The following CNGA1 variants were observed in gnomAD, a reference collection of about 807,000 sequenced individuals.
CNGA1 encodes cyclic nucleotide gated channel subunit alpha 1.
Under a neutral mutation model 69.7 loss-of-function variants are expected in CNGA1, and 53 were observed. That is an observed-to-expected ratio of 0.76 (90% CI 0.61 to 0.96). CNGA1 has a LOEUF of 0.96. Ranked by LOEUF, CNGA1 falls within the 40% of genes least tolerant of loss-of-function variation. The pLI, the probability that CNGA1 is intolerant of heterozygous loss-of-function variation, is 0.00. For synonymous variants in CNGA1, 249 were observed against 283.5 expected (o/e 0.88, Z 1.22); for missense variants, 739 against 811.2 (o/e 0.91, Z 1.08).
chr4:47,942,753 C>T (rs114926684), intron 8 of CNGA1, among the ~76,000 whole-genome samples: 2,574 of 152,048 alleles, frequency 0.017, 41 homozygotes, highest in East Asian at 0.06. Context: ...TTGTGATCTG[C>T]GCGTGCAAGG....
chr4:47,968,079 A>G (rs1267981352), intron 3 of CNGA1, among the ~76,000 whole-genome samples: 12 of 152,224 alleles, frequency 7.9e-5, no homozygotes, highest in Non-Finnish European at 1.6e-4. Flanking sequence ...ATAAGGAACA[A>G]ATCCAAAGAT....
At chr4:47,993,329 G>T (rs189098401) in intron 2 of CNGA1, among the ~76,000 whole-genome samples, 10 of 151,982 alleles carry the variant, frequency 6.6e-5, no homozygotes, top group African/African-American at 2.4e-4. Flanking sequence ...CTTTTTTGTT[G>T]TTGGTAATTT....
chr4:48,006,782 C>G (rs898335526), intron 2 of CNGA1, among the ~76,000 whole-genome samples: 1 of 151,976 alleles, frequency 6.6e-6, no homozygotes, highest in Non-Finnish European at 1.5e-5. Context: ...CCACCATGCC[C>G]AGCTAATTTT....
At chr4:47,947,998 A>G (rs1474631564) in intron 6 of CNGA1, among the ~76,000 whole-genome samples, 1 of 152,212 alleles carries the variant, frequency 6.6e-6, no homozygotes, top group African/African-American at 2.4e-5. Flanking sequence ...AGTTAACTAA[A>G]TTGGACTCCT....
Position 47,943,372 on chromosome 4 carries a change from T to G in CNGA1, c.328A>C (p.Ser110Arg), listed in dbSNP as rs952618231. The part of the protein sequence containing the change: ...EKKKKKKEKK[S>R]KSDDKNENKN... ...GGGTAATTCTTGCCAAAGTCTTACC[T>G]CTTCTTTTCTTTTTTCTTTTTCTTT... Residue 110 changes from serine to arginine, a missense_variant and splice_region_variant, in exon 7 of 11, where the codon AGC (serine) becomes CGC (arginine). By Grantham distance (110) the Ser-to-Arg change is moderately radical. Transcript: ENST00000514170. 3 of 1,523,794 alleles carry G rather than the reference T, an allele frequency of 2.0e-6. No individual in the cohort carries two copies. In the African/African-American group the frequency reaches 4.2e-5, roughly 21 times the overall value. The allele number at this position is 1,523,794 out of a possible 1,614,324, so 94.4% of individuals were successfully genotyped here. A position where few individuals can be genotyped will look rare whatever the true frequency, so the allele number is the denominator to read the frequency against.
At position 47,936,813 on chromosome 4, in the gene CNGA1, T is replaced by G; in HGVS notation, c.1669A>C (p.Arg557=). The G allele has an allele frequency of 1.2e-6, 2 of 1,614,172 alleles. No individual in the cohort carries two copies. The highest frequency in any genetic ancestry group is 2.2e-5 in the South Asian group (2 of 91,082). The stretch of plus-strand genomic sequence containing the variant: ...CCAATACTTTTAATATTGGCCGTTC[T>G]TCGATTGCCAGCTTTGCTCCCTTTA... The part of the protein sequence containing the change: ...NIKGSKAGNR[R]TANIKSIGYS... Residue 557 remains arginine, a synonymous_variant, in exon 11 of 11, where the codon AGA becomes CGA. Transcript: ENST00000514170.
intron 2 of CNGA1, among the ~76,000 whole-genome samples, chr4:47,992,541 C>A (rs910702900): frequency 5.3e-5 from 8 of 151,882 alleles, no homozygotes; most frequent in Admixed American, 2.6e-4. Flanking sequence ...TTGCTGAATT[C>A]TTTTATCAGT....
chr4:47,996,531 ACT>A (rs1742483548), intron 2 of CNGA1, among the ~76,000 whole-genome samples: 1 of 152,002 alleles, frequency 6.6e-6, no homozygotes, highest in South Asian at 2.1e-4. Context: ...TTGACATAAA[ACT>A]CTTCACACCA....
chr4:48,010,139 T>C (rs1715087919), intron 2 of CNGA1, among the ~76,000 whole-genome samples: 1 of 152,182 alleles, frequency 6.6e-6, no homozygotes, highest in African/African-American at 2.4e-5. Context: ...TAGCAAAATT[T>C]ACATCATAAG....
In CNGA1 at chr4:48,016,490, G is replaced by A. The variant is rs551343115; in HGVS notation, c.-230C>T. ...CTCAATTCCCGGAGTTACCTTGGCG[G>A]GCTCCACGCTCCGAGAGACGCTGTT... On this transcript the variant is annotated 5_prime_UTR_variant, in exon 1 of 11. Transcript: ENST00000514170. 5 of 343,996 alleles carry A rather than the reference G, an allele frequency of 1.5e-5. No individual in the cohort carries two copies. The South Asian group carries it at 2.3e-4, about 16-fold the overall frequency. 21.3% of individuals were successfully genotyped at this position (343,996 alleles called of 1,614,324 possible). A position where few individuals can be genotyped will look rare whatever the true frequency, so the allele number is the denominator to read the frequency against.
chr4:47,937,621 C>G lies in CNGA1; in HGVS notation c.861G>C (p.Arg287Ser). 1 of 1,614,140 alleles carries G rather than the reference C, an allele frequency of 6.2e-7. No individual in the cohort carries two copies. The highest frequency in any genetic ancestry group is 8.5e-7 in the Non-Finnish European group (1 of 1,180,020). Reference sequence around the variant, plus strand: ...TCCTGAAGATGTTTGGATAGTTTGTCCTTGTTTCTGTTCTCTGGAAGAACT... The same window carrying G: ...TCCTGAAGATGTTTGGATAGTTTGTGCTTGTTTCTGTTCTCTGGAAGAACT... ...MFEFFQRTET[R>S]TNYPNIFRIS... is the part of the protein sequence containing the mutation. The change falls in exon 11 of 11, where the codon AGG becomes AGC. Residue 287 changes from arginine to serine, a missense_variant. Arg to Ser is a moderately radical substitution (Grantham distance 110). Coordinates refer to ENST00000514170, the MANE Select transcript of CNGA1 (RefSeq NM_001379270.1).
chr4:47,980,340 CT>C (rs1741631959), intron 3 of CNGA1, among the ~76,000 whole-genome samples: 1 of 152,074 alleles, frequency 6.6e-6, no homozygotes, highest in Non-Finnish European at 1.5e-5. Context: ...GACTGTTCAA[CT>C]TTCCAATATA....
intron 3 of CNGA1, among the ~76,000 whole-genome samples, chr4:47,960,670 C>G (rs1290216684): frequency 6.6e-6 from 1 of 151,886 alleles, no homozygotes; most frequent in Non-Finnish European, 1.5e-5. Flanking sequence ...AAACAGGAAG[C>G]AACCCATATT....
chr4:48,005,717 T>C (rs1714890134), intron 2 of CNGA1, among the ~76,000 whole-genome samples: 1 of 152,188 alleles, frequency 6.6e-6, no homozygotes, highest in African/African-American at 2.4e-5. Context: ...GACAAAAGTA[T>C]GAGGCCAGTT....
At chr4:47,952,208 C>CAA (rs145779138) in intron 4 of CNGA1, among the ~76,000 whole-genome samples, 20 of 149,310 alleles carry the variant, frequency 1.3e-4, no homozygotes, top group East Asian at 3.9e-4. Context: ...ACTAAAAATA[C>CAA]AAAAAAAAAA....
rs1257715115 is a variant in CNGA1, at chr4:47,936,368, T to C, written c.*53A>G. ...TTTAAATTTTAGTTGATGTCAGTCA[T>C]AGGATCAAAAGGATCATGAGGCATG... On this transcript the variant is annotated 3_prime_UTR_variant, in exon 11 of 11. Transcript: ENST00000514170. The C allele has an allele frequency of 3.2e-6, 5 of 1,583,896 alleles. No individual in the cohort carries two copies. Among genetic ancestry groups the C allele is most frequent in the African/African-American group, 2.7e-5 (2 of 74,268 alleles).
intron 3 of CNGA1, among the ~76,000 whole-genome samples, chr4:47,974,907 G>C (rs1469991409): frequency 1.3e-5 from 2 of 151,792 alleles, no homozygotes; most frequent in Non-Finnish European, 2.9e-5. Context: ...TGAGTTACAG[G>C]GTCCTCTCTT....
chr4:47,949,983 C>T lies in CNGA1; in HGVS notation c.225-88G>A. The T allele has an allele frequency of 2.7e-6, 3 of 1,113,194 alleles. No individual in the cohort carries two copies. In the South Asian group the frequency reaches 3.8e-5, roughly 14 times the overall value. 69.0% of individuals were successfully genotyped at this position (1,113,194 alleles called of 1,614,324 possible). On this transcript the variant is annotated intron_variant, in intron 5 of 10. Coordinates refer to ENST00000514170, the MANE Select transcript of CNGA1 (RefSeq NM_001379270.1). ...GGCAAATGGTCTGAAAAAACAAATT[C>T]TTCTCCATTTCTACTCATTACTAAA...
chr4:47,947,303 T>G (rs1014876281), intron 6 of CNGA1, among the ~76,000 whole-genome samples: 1 of 151,952 alleles, frequency 6.6e-6, no homozygotes, highest in Non-Finnish European at 1.5e-5. Context: ...CACTTAGAGG[T>G]GGTCTTGAAA....
Sources: allele counts gnomAD v4.1 joint callset (sites outside exome capture counted in the v4.1 genomes callset), GRCh38; gene constraint gnomAD v4.1.1; transcripts MANE v1.5; gene names NCBI Gene and HGNC (gene_info 2026-07-23, HGNC 2026-07-21).